The following CLUH variants were observed in gnomAD, a reference collection of about 807,000 sequenced individuals.
CLUH encodes CLUH binding protein of NUMT mRNA.
CLUH carries 77 observed loss-of-function variants against 139.3 expected under a neutral mutation model. That is an observed-to-expected ratio of 0.55 (90% CI 0.46 to 0.67). The LOEUF is 0.67. Among genes scored for constraint, CLUH ranks in the 30% least tolerant of loss-of-function variants. The pLI, the probability that CLUH is intolerant of heterozygous loss-of-function variation, is 0.00. For missense variants in CLUH, 1,876 were observed against 1,875.8 expected (o/e 1.00, Z 0.00); for synonymous variants, 999 against 801.6 (o/e 1.25, Z -4.16).
At chr17:2,697,708 C>T (rs765459154) in intron 10 of CLUH, among the ~76,000 whole-genome samples, 188 bp downstream of exon 10, 1 of 152,166 alleles carries the variant, frequency 6.6e-6, no homozygotes, top group Non-Finnish European at 1.5e-5. Flanking sequence ...AGTCTGCAGC[C>T]CGGGTTTCTG....
chr17:2,699,635 CTTTT>C (rs34048701), intron 9 of CLUH, among the ~76,000 whole-genome samples: 2 of 144,918 alleles, frequency 1.4e-5, no homozygotes, highest in East Asian at 2.0e-4. Flanking sequence ...GCTGAGATTT[CTTTT>C]TTTTTTTTTT....
rs2070392539 is a variant in CLUH at position 2,707,839 on chromosome 17, A to G, written c.101-3275T>C. 10 of 985,424 alleles carry G rather than the reference A, an allele frequency of 1.0e-5. No individual in the cohort carries two copies. The highest frequency in any genetic ancestry group is 1.1e-5 in the Non-Finnish European group (9 of 829,920). 61.0% of individuals were successfully genotyped at this position (985,424 alleles called of 1,614,324 possible). On this transcript the variant is annotated intron_variant, in intron 1 of 25. Coordinates refer to ENST00000651024, the MANE Select transcript of CLUH (RefSeq NM_001366661.1). The surrounding 1 kb of genome is among the most constrained non-coding windows in gnomAD (Gnocchi z 7.4). ...ACCTCTGGCTCCTGCTGCCCCCTGC[A>G]GGTGACCTGGCTGCCAGCCCCTTCC... is the stretch of plus-strand genomic sequence containing the variant.
At chr17:2,710,026 C>T (rs374647141) in intron 1 of CLUH, among the ~76,000 whole-genome samples, 8 of 150,600 alleles carry the variant, frequency 5.3e-5, no homozygotes, top group East Asian at 2.0e-4. Context: ...CTCCAACAGA[C>T]GCTCGTCAGC....
At chr17:2,696,659 C>A in intron 11 of CLUH, 60 bp downstream of exon 11, 1 of 1,586,970 alleles carries the variant, frequency 6.3e-7, no homozygotes, top group South Asian at 1.1e-5. Context: ...AGGTGGGGGT[C>A]ATAAGCCACC....
At chr17:2,696,598 C>T (rs928699087) in intron 11 of CLUH, 60 bp from the exon 12 acceptor site, 31 of 1,523,670 alleles carry the variant, frequency 2.0e-5, no homozygotes, top group Middle Eastern at 1.7e-4. Context: ...AGCTGGGCTG[C>T]GCCAAGCCTC....
intron 25 of CLUH, among the ~76,000 whole-genome samples, chr17:2,691,221 G>A (rs1294391064): frequency 6.6e-6 from 1 of 152,146 alleles, no homozygotes; most frequent in African/African-American, 2.4e-5. Flanking sequence ...TTTGTGTGAA[G>A]CAGAAACACC....
chr17:2,692,555 C>G lies in CLUH; in HGVS notation c.3438+16G>C. 6 of 1,606,416 alleles carry G rather than the reference C, an allele frequency of 3.7e-6. No homozygotes were observed. The highest frequency in any genetic ancestry group is 3.3e-5 in the South Asian group (3 of 90,784). ...ATGGAGCTGGGTCCCTGCCGCCCCC[C>G]CGCCCCAGCACTCACGTCCAGCAGC... On this transcript the variant is annotated intron_variant, in intron 21 of 25. Coordinates refer to ENST00000651024, the MANE Select transcript of CLUH (RefSeq NM_001366661.1).
At position 2,707,283 on chromosome 17, in the gene CLUH, C is replaced by T. The variant is rs750871173; in HGVS notation, c.101-2719G>A. 1.1e-4 allele frequency: 105 copies of T among 985,328 alleles called. No homozygotes were observed. The highest frequency in any genetic ancestry group is 1.1e-4 in the Non-Finnish European group (95 of 829,930). 61.0% of individuals were successfully genotyped at this position (985,328 alleles called of 1,614,324 possible). On this transcript the variant is annotated intron_variant, in intron 1 of 25. Transcript: ENST00000651024. This position sits in a 1 kb window ranked among gnomAD's most constrained non-coding sequence, Gnocchi z 7.4. ...CCCAGCATTGCCCGGGTTCCTTGTT[C>T]CAGCCTCTGCCGCTACCCTTGCCCT... is the stretch of plus-strand genomic sequence containing the variant.
chr17:2,697,326 G>C (rs971972622), intron 10 of CLUH, among the ~76,000 whole-genome samples: 1 of 152,016 alleles, frequency 6.6e-6, no homozygotes, highest in Non-Finnish European at 1.5e-5. Context: ...TTGAACCCGG[G>C]AGGCAGAGGT....
Position 2,696,498 on chromosome 17 carries a change from C to T in CLUH, c.2226G>A (p.Lys742=), listed in dbSNP as rs747187920. 11 of 1,590,358 alleles carry T rather than the reference C, an allele frequency of 6.9e-6. No individual in the cohort carries two copies. Among genetic ancestry groups the T allele is most frequent in the South Asian group, 1.1e-5 (1 of 87,608 alleles). ...RSREVIRNAC[K]AVGSISSTAF... ...CGGTGCTGCTGATGGAGCCGACCGC[C>T]TTGCACGCGTTGCGGATCACCTCCC... is the stretch of plus-strand genomic sequence containing the variant. The change falls in exon 12 of 26, where the codon AAG becomes AAA. Residue 742 remains lysine (K), a synonymous_variant. Transcript: ENST00000651024.
Position 2,691,695 on chromosome 17 carries a change from G to A in CLUH, c.3790-13C>T, listed in dbSNP as rs2069642340. 2 of 1,611,192 alleles carry A rather than the reference G, an allele frequency of 1.2e-6. No individual in the cohort carries two copies. Among genetic ancestry groups the A allele is most frequent in the African/African-American group, 1.3e-5 (1 of 74,994 alleles). ...TGGGGGCCGTGAACTGCGGGGCGGG[G>A]AAACCAGCGGTGAGCGGGGCTCCCG... On this transcript the variant is annotated splice_polypyrimidine_tract_variant and intron_variant, in intron 24 of 25. Coordinates refer to ENST00000651024, the MANE Select transcript of CLUH (RefSeq NM_001366661.1).
Position 2,711,687 on chromosome 17 carries a change from G to A in CLUH, c.-26C>T, listed in dbSNP as rs2070528374. On this transcript the variant is annotated 5_prime_UTR_variant, in exon 1 of 26. Transcript: ENST00000651024. ...GGTGGCGGGAGCGGGCGTCCGCCTC[G>A]GCTGTCCGCGCCGCCCGCCGCGCCA... 3 of 944,158 alleles carry A rather than the reference G, an allele frequency of 3.2e-6. No individual in the cohort carries two copies. The highest frequency in any genetic ancestry group is 3.8e-6 in the Non-Finnish European group (3 of 792,430). The allele number at this position is 944,158 out of a possible 1,614,324, so 58.5% of individuals were successfully genotyped here.
In CLUH at chr17:2,691,902, G is replaced by C. The variant is rs942306798; in HGVS notation, c.3655-7C>G. 8 of 1,525,380 alleles carry C rather than the reference G, an allele frequency of 5.2e-6. No homozygotes were observed. The highest frequency in any genetic ancestry group is 7.0e-6 in the Non-Finnish European group (8 of 1,139,432). The allele number at this position is 1,525,380 out of a possible 1,614,324, so 94.5% of individuals were successfully genotyped here. ...TCTCATGGTCCTCGCCCAGCTGCGG[G>C]GAGGCGGGAAGGGATCAGGCCCCCC... is the stretch of plus-strand genomic sequence containing the variant. On this transcript the variant is annotated splice_polypyrimidine_tract_variant and splice_region_variant and intron_variant, in intron 23 of 25. Transcript: ENST00000651024.
rs527915045 is a variant in CLUH at position 2,708,477 on chromosome 17, C to G, written c.100+3085G>C. 3.9e-5 allele frequency among the ~76,000 whole-genome samples: 6 copies of G among 152,244 alleles called. No homozygotes were observed. The South Asian group carries it at 1.2e-3, about 32-fold the overall frequency. On this transcript the variant is annotated intron_variant, in intron 1 of 25. Transcript: ENST00000651024. ...GCCCAGCCCACGGCAGCTCCCTAAA[C>G]CGCCGTGCCAGCCCATCTCACCTGA...
In CLUH at chr17:2,693,958, G is replaced by A; in HGVS notation, c.3173C>T (p.Thr1058Ile). ...GGCGAGGAGGCGCAGGCAGGCGCAG[G>A]TCTCCACGTGCATGGCTCCGTAGAC... ...NNVYGAMHVE[T>I]CACLRLLARL... Residue 1058 changes from threonine to isoleucine, a missense_variant, in exon 19 of 26, where the codon ACC (threonine) becomes ATC (isoleucine). By Grantham distance (89) the Thr-to-Ile change is moderately conservative. This residue lies in a region of CLUH where 1,454 missense variants were observed against 1,384.4 expected (regional missense o/e 1.05). Coordinates refer to ENST00000651024, the MANE Select transcript of CLUH (RefSeq NM_001366661.1). 1 of 1,613,832 alleles carries A rather than the reference G, an allele frequency of 6.2e-7. No individual in the cohort carries two copies. The highest frequency in any genetic ancestry group is 8.5e-7 in the Non-Finnish European group (1 of 1,179,864).
chr17:2,693,846 C>T (rs1291747450), intron 19 of CLUH, 54 bp downstream of exon 19: 4 of 1,553,170 alleles, frequency 2.6e-6, no homozygotes, highest in East Asian at 4.8e-5. Flanking sequence ...GGCCCCCTCA[C>T]TCCCCATCCC....
chr17:2,701,869 C>T, intron 4 of CLUH, 45 bp downstream of exon 4: 1 of 1,610,076 alleles, frequency 6.2e-7, no homozygotes, highest in Non-Finnish European at 8.5e-7. Context: ...CACCTCCGTG[C>T]TCCCCGCCCT....
intron 23 of CLUH, 21 bp from the exon 24 acceptor site, chr17:2,691,916 A>G: frequency 1.4e-6 from 2 of 1,418,126 alleles, no homozygotes; most frequent in Non-Finnish European, 1.8e-6. Flanking sequence ...GCGGGAAGGG[A>G]TCAGGCCCCC....
intron 13 of CLUH, 176 bp downstream of exon 13, chr17:2,695,983 T>C: frequency 3.2e-6 from 2 of 615,450 alleles, no homozygotes; most frequent in East Asian, 2.8e-5. Context: ...CAGCAGGGCC[T>C]GTGCCCTTGA....
Sources: allele counts gnomAD v4.1 joint callset (sites outside exome capture counted in the v4.1 genomes callset), GRCh38; gene constraint gnomAD v4.1.1; regional missense constraint gnomAD v4.1.1; non-coding constraint Gnocchi (gnomAD v3.1); transcripts MANE v1.5; gene names NCBI Gene and HGNC (gene_info 2026-07-23, HGNC 2026-07-21).